GABRB1: variants seen among roughly 807,000 people sequenced by gnomAD.
GABRB1 encodes the protein gamma-aminobutyric acid type A receptor subunit beta1, also known as gamma-aminobutyric acid receptor subunit beta-1.
Under a neutral mutation model 51.6 loss-of-function variants are expected in GABRB1, and 17 were observed. The observed-to-expected ratio is 0.33, with a 90% confidence interval of 0.23 to 0.49. The LOEUF is 0.49. Ranked by LOEUF, GABRB1 falls within the 20% of genes least tolerant of loss-of-function variation. The pLI is 0.99. For synonymous variants in GABRB1, 247 were observed against 218.9 expected, an observed-to-expected ratio of 1.13 and a Z score of -1.14; for missense variants, 410 against 600.6, an observed-to-expected ratio of 0.68 and a Z score of 3.32.
chr4:47,318,834 C>T (rs1357620775), intron 4 of GABRB1, among the ~76,000 whole-genome samples: 2 of 151,988 alleles, frequency 1.3e-5, no homozygotes, highest in Admixed American at 6.6e-5. Flanking sequence ...ACGGTCCTCC[C>T]CATAAAGTGT....
chr4:47,259,062 T>C (rs774882277), intron 4 of GABRB1, among the ~76,000 whole-genome samples: 5 of 152,118 alleles, frequency 3.3e-5, no homozygotes, highest in Non-Finnish European at 5.9e-5. Flanking sequence ...GAATGGAACT[T>C]TCATTGCCAC....
At chr4:47,181,811 A>G (rs942030381) in intron 4 of GABRB1, among the ~76,000 whole-genome samples, 4 of 152,096 alleles carry the variant, frequency 2.6e-5, no homozygotes, top group African/African-American at 4.8e-5. Context: ...TCATTAAATC[A>G]TCTTCCCCGG....
At chr4:47,353,372 T>G (rs1159032891) in intron 5 of GABRB1, among the ~76,000 whole-genome samples, 2 of 152,238 alleles carry the variant, frequency 1.3e-5, no homozygotes, top group Admixed American at 6.5e-5. Context: ...AGTGACTCCC[T>G]TGATGTTTCC....
At chr4:47,013,139 C>CTGTGTGTGTGTGTGTGTG (rs59902564) in intron 1 of GABRB1, among the ~76,000 whole-genome samples, 4 of 149,006 alleles carry the variant, frequency 2.7e-5, no homozygotes, top group African/African-American at 9.9e-5. Context: ...AAATTGCATT[C>CTGTGTGTGTGTGTGTGTG]TGTGTGTGTG....
intron 3 of GABRB1, among the ~76,000 whole-genome samples, chr4:47,090,071 T>C (rs955299721): frequency 6.6e-6 from 1 of 152,216 alleles, no homozygotes; most frequent in African/African-American, 2.4e-5. Flanking sequence ...TGATGAAACT[T>C]GCTAATCTTA....
chr4:47,153,660 A>G (rs533148627), intron 3 of GABRB1, among the ~76,000 whole-genome samples: 15 of 152,130 alleles, frequency 9.9e-5, no homozygotes, highest in Admixed American at 6.6e-4. Context: ...TATGTGCCCC[A>G]TGTATTAAAA....
intron 4 of GABRB1, among the ~76,000 whole-genome samples, chr4:47,267,746 G>A (rs1722696905): frequency 6.6e-6 from 1 of 152,130 alleles, no homozygotes; most frequent in Non-Finnish European, 1.5e-5. Flanking sequence ...AGTGAGCTGA[G>A]ATTGCACCAT....
chr4:47,263,054 GA>G (rs1252398347), intron 4 of GABRB1, among the ~76,000 whole-genome samples: 1 of 98,488 alleles, frequency 1.0e-5, no homozygotes, highest in African/African-American at 3.9e-5. Context: ...GGGGTGGGGG[GA>G]GGGGGGAGGG....
At chr4:47,421,910 A>G (rs1293131352) in intron 8 of GABRB1, among the ~76,000 whole-genome samples, 1 of 152,118 alleles carries the variant, frequency 6.6e-6, no homozygotes, top group African/African-American at 2.4e-5. Flanking sequence ...GTACCTAACA[A>G]AATCATGTGT....
intron 8 of GABRB1, among the ~76,000 whole-genome samples, chr4:47,411,400 G>T (rs1260937694): frequency 6.6e-6 from 1 of 152,070 alleles, no homozygotes; most frequent in East Asian, 1.9e-4. Context: ...AGTATTAAAA[G>T]GTTATAATAC....
At chr4:47,129,697 GA>G (rs1180974905) in intron 3 of GABRB1, among the ~76,000 whole-genome samples, 2 of 152,120 alleles carry the variant, frequency 1.3e-5, no homozygotes, top group African/African-American at 4.8e-5. Context: ...AGGCTTCCTG[GA>G]AAAAGAAATA....
At chr4:47,377,294 T>G (rs761349440) in intron 5 of GABRB1, among the ~76,000 whole-genome samples, 5 of 152,118 alleles carry the variant, frequency 3.3e-5, no homozygotes, top group Non-Finnish European at 7.4e-5. Flanking sequence ...TGTCCGGAAT[T>G]GGTGGGTTCT....
chr4:47,387,782 C>A (rs1399830085), intron 5 of GABRB1, among the ~76,000 whole-genome samples: 1 of 152,052 alleles, frequency 6.6e-6, no homozygotes, highest in East Asian at 1.9e-4. Flanking sequence ...GAGGCTTAAC[C>A]CCAGCTGAAT....
intron 4 of GABRB1, among the ~76,000 whole-genome samples, chr4:47,183,174 A>T (rs1247817294): frequency 6.6e-6 from 1 of 151,448 alleles, no homozygotes; most frequent in African/African-American, 2.4e-5. Flanking sequence ...TAGCAATGTC[A>T]TGTTTCACTG....
intron 5 of GABRB1, among the ~76,000 whole-genome samples, chr4:47,334,032 G>A (rs964039194): frequency 1.6e-4 from 25 of 152,258 alleles, no homozygotes; most frequent in African/African-American, 6.0e-4. Context: ...GACACTATCA[G>A]AGCAGAATCA....
chr4:47,063,034 C>T (rs940181589), intron 3 of GABRB1, among the ~76,000 whole-genome samples: 6 of 152,162 alleles, frequency 3.9e-5, no homozygotes, highest in African/African-American at 1.4e-4. Flanking sequence ...TCACTTCTTA[C>T]TCAAAACCGT....
intron 5 of GABRB1, among the ~76,000 whole-genome samples, chr4:47,360,228 T>C (rs1490051268): frequency 6.6e-6 from 1 of 150,572 alleles, no homozygotes; most frequent in Non-Finnish European, 1.5e-5. Flanking sequence ...ATAAGGAAGA[T>C]TTTTTTTTCC....
intron 4 of GABRB1, among the ~76,000 whole-genome samples, chr4:47,172,088 A>G (rs1718461221): frequency 6.6e-6 from 1 of 152,164 alleles, no homozygotes; most frequent in Admixed American, 6.5e-5. Flanking sequence ...CTAGATATAG[A>G]GGTGTCCTAT....
At chr4:47,364,853 G>GAAA in intron 5 of GABRB1, among the ~76,000 whole-genome samples, 1 of 151,546 alleles carries the variant, frequency 6.6e-6, no homozygotes, top group African/African-American at 2.4e-5. Context: ...AAATGGAATA[G>GAAA]AAAAAAAAGA....
Sources: gnomAD v4.1 joint callset for allele counts (sites outside exome capture counted in the v4.1 genomes callset) on GRCh38, gnomAD v4.1.1 for gene constraint, MANE v1.5 for transcripts, NCBI Gene and HGNC (gene_info 2026-07-23, HGNC 2026-07-21) for gene names.